The following SEPTIN2 variants were observed in gnomAD, a reference collection of about 807,000 sequenced individuals.
SEPTIN2 encodes the protein septin 2, also known as septin-2.
A neutral mutation model predicts 46.5 loss-of-function variants in SEPTIN2; 34 were observed. That is an observed-to-expected ratio of 0.73 (90% CI 0.56 to 0.97). The LOEUF (loss-of-function observed/expected upper bound fraction) is 0.97, where lower values mean the gene tolerates loss of function less well. SEPTIN2 is among the 50% of genes least tolerant of loss of function. The pLI is 0.00. For missense variants in SEPTIN2, 347 were observed against 448.4 expected (o/e 0.77, Z 2.04); for synonymous variants, 175 against 153.4 (o/e 1.14, Z -1.04).
chr2:241,343,306 C>T (rs1207074171), intron 8 of SEPTIN2, among the ~76,000 whole-genome samples: 2 of 152,146 alleles, frequency 1.3e-5, no homozygotes, highest in South Asian at 2.1e-4. Context: ...CCAGACCATC[C>T]TGGCCAACAT....
At chr2:241,346,955 C>T (rs1443022000) in intron 10 of SEPTIN2, among the ~76,000 whole-genome samples, 1 of 152,160 alleles carries the variant, frequency 6.6e-6, no homozygotes, top group Non-Finnish European at 1.5e-5. Flanking sequence ...AGTCCTGCAG[C>T]CATCCTCACT....
chr2:241,325,477 A>T (rs970338653), intron 2 of SEPTIN2, among the ~76,000 whole-genome samples: 2 of 152,184 alleles, frequency 1.3e-5, no homozygotes, highest in Non-Finnish European at 2.9e-5. Context: ...ACTCTGTTCT[A>T]TAGAGCTAGA....
chr2:241,319,886 A>G (rs1023474550), intron 1 of SEPTIN2, among the ~76,000 whole-genome samples: 1 of 151,992 alleles, frequency 6.6e-6, no homozygotes, highest in Non-Finnish European at 1.5e-5. Context: ...GAGCCACCAC[A>G]CTCTGCCAGC....
At chr2:241,317,655 G>T in intron 1 of SEPTIN2, 9 of 677,784 alleles carry the variant, frequency 1.3e-5, no homozygotes, top group Non-Finnish European at 1.6e-5. Context: ...ACTTATCCCT[G>T]CCCCAGTCCC....
At chr2:241,345,865 C>T (rs148724563) in intron 9 of SEPTIN2, among the ~76,000 whole-genome samples, 111 of 152,294 alleles carry the variant, frequency 7.3e-4, no homozygotes, top group African/African-American at 2.5e-3. Flanking sequence ...AATCTGTCTG[C>T]CATCCTGTGG....
At chr2:241,334,541 GACA>G in intron 3 of SEPTIN2, among the ~76,000 whole-genome samples, 1 of 152,178 alleles carries the variant, frequency 6.6e-6, no homozygotes, top group Non-Finnish European at 1.5e-5. Flanking sequence ...CCCGACATAT[GACA>G]GTTGCCAGTG....
In SEPTIN2 at chr2:241,343,219, C is replaced by A; in HGVS notation, c.696+126C>A. 7.8e-6 allele frequency: 5 copies of A among 642,040 alleles called. No homozygotes were observed. In the South Asian group the frequency reaches 9.9e-5, roughly 13 times the overall value. The allele number at this position is 642,040 out of a possible 1,614,324, so 39.8% of individuals were successfully genotyped here. On this transcript the variant is annotated intron_variant, in intron 8 of 12. Coordinates refer to ENST00000391971, the MANE Select transcript of SEPTIN2 (RefSeq NM_004404.5). ...TTTTTGCTTTCAATATATTTTAAGA[C>A]CTCATGCAGTGGCTCATGCCTATAA...
chr2:241,322,296 A>G (rs2077240855), intron 1 of SEPTIN2, among the ~76,000 whole-genome samples: 1 of 152,076 alleles, frequency 6.6e-6, no homozygotes, highest in Non-Finnish European at 1.5e-5. Flanking sequence ...GGGTTTCTAA[A>G]ATTTGTTTAA....
At chr2:241,316,741 C>T (rs912567593) in intron 1 of SEPTIN2, 8 of 443,466 alleles carry the variant, frequency 1.8e-5, no homozygotes, top group East Asian at 3.6e-5. Flanking sequence ...GCCACCAGAC[C>T]TTGTCCTCTC....
chr2:241,336,579 C>T (rs1001640922), intron 5 of SEPTIN2, among the ~76,000 whole-genome samples: 1 of 152,206 alleles, frequency 6.6e-6, no homozygotes, highest in African/African-American at 2.4e-5. Flanking sequence ...GGTTCTATTC[C>T]TGTCAACATA....
chr2:241,337,133 GC>G, intron 5 of SEPTIN2: 1 of 414,620 alleles, frequency 2.4e-6, no homozygotes, highest in Admixed American at 4.1e-5. Context: ...GTCTACACTG[GC>G]CCTCTCTCAG....
At chr2:241,320,310 A>G (rs549653649) in intron 1 of SEPTIN2, 2 of 471,148 alleles carry the variant, frequency 4.2e-6, no homozygotes, top group East Asian at 1.4e-4. Flanking sequence ...TCAGCTGCTT[A>G]GTGATACTTG....
rs146685861 is a variant in SEPTIN2, at chr2:241,347,560, A to G, written c.927-574A>G. 5.0e-3 allele frequency among the ~76,000 whole-genome samples: 766 copies of G among 152,338 alleles called. 3 individuals carry two copies. The highest frequency in any genetic ancestry group is 8.1e-3 in the Non-Finnish European group (553 of 68,030). On this transcript the variant is annotated intron_variant, in intron 10 of 12. Coordinates refer to ENST00000391971, the MANE Select transcript of SEPTIN2 (RefSeq NM_004404.5). The stretch of plus-strand genomic sequence containing the variant: ...GTGACTACATTCGCATTAATAAAGA[A>G]TAACATCTCAAAGCAAATTCTTCAG...
At chr2:241,331,052 G>C (rs563471924) in intron 3 of SEPTIN2, among the ~76,000 whole-genome samples, 1 of 152,286 alleles carries the variant, frequency 6.6e-6, no homozygotes, top group African/African-American at 2.4e-5. Context: ...GATGGTGGGT[G>C]CCTGTAATTT....
chr2:241,325,335 C>G (rs1441267196), intron 2 of SEPTIN2: 1 of 152,098 alleles, frequency 6.6e-6, no homozygotes, highest in African/African-American at 2.4e-5. Flanking sequence ...TCATCAGATA[C>G]CCTTCTGTCA....
intron 1 of SEPTIN2, chr2:241,316,340 G>A: frequency 3.4e-6 from 2 of 582,866 alleles, no homozygotes; most frequent in Middle Eastern, 2.7e-4. Flanking sequence ...TGCTTGGAGG[G>A]AGGATACAGG....
At chr2:241,319,152 G>GA (rs962645189) in intron 1 of SEPTIN2, among the ~76,000 whole-genome samples, 4 of 152,208 alleles carry the variant, frequency 2.6e-5, no homozygotes, top group African/African-American at 7.2e-5. Context: ...TGATTCACAT[G>GA]AAAAAAATGA....
At chr2:241,338,838 A>ATAATATAT (rs1559643511) in intron 7 of SEPTIN2, among the ~76,000 whole-genome samples, 1 of 15,186 alleles carries the variant, frequency 6.6e-5, no homozygotes, top group Non-Finnish European at 1.7e-4. Context: ...TAATATATAT[A>ATAATATAT]ATAAATATAT....
intron 3 of SEPTIN2, among the ~76,000 whole-genome samples, chr2:241,333,606 T>C (rs2079394193): frequency 1.5e-5 from 2 of 137,736 alleles, no homozygotes; most frequent in Admixed American, 8.1e-5. Flanking sequence ...GCCTCCCGGG[T>C]TCACGCCATT....
Sources: gnomAD v4.1 joint callset for allele counts (sites outside exome capture counted in the v4.1 genomes callset) on GRCh38, gnomAD v4.1.1 for gene constraint, MANE v1.5 for transcripts, NCBI Gene and HGNC (gene_info 2026-07-23, HGNC 2026-07-21) for gene names.